TSPAN7: variants seen among roughly 807,000 people sequenced by gnomAD.
The protein encoded by TSPAN7 is tetraspanin 7.
Under a neutral mutation model 17.6 loss-of-function variants are expected in TSPAN7, and 1 was observed. The ratio of observed to expected loss-of-function variants is 0.06; its 90% CI spans 0.02 to 0.27. TSPAN7 has a LOEUF of 0.27. Among genes scored for constraint, TSPAN7 ranks in the 10% least tolerant of loss-of-function variants. TSPAN7 has a pLI of 1.00. For synonymous variants in TSPAN7, 78 were observed against 79.0 expected (o/e 0.99, Z 0.07); for missense variants, 112 against 201.7 (o/e 0.56, Z 2.69).
At chrX:38,601,479 T>C (rs757754227) in intron 1 of TSPAN7, among the ~76,000 whole-genome samples, 1 of 111,891 alleles carries the variant, frequency 8.9e-6, no homozygotes, top group South Asian at 3.7e-4. Context: ...GAAATAAATA[T>C]AAATGCAATC....
At chrX:38,657,812 A>G (rs1416935154) in intron 1 of TSPAN7, among the ~76,000 whole-genome samples, 1 of 112,529 alleles carries the variant, frequency 8.9e-6, no homozygotes, top group Admixed American at 9.4e-5. Context: ...TTCACTACAC[A>G]TATGAAGAGA....
chrX:38,687,115 G>A (rs1037525026), intron 6 of TSPAN7, among the ~76,000 whole-genome samples: 3 of 112,027 alleles, frequency 2.7e-5, no homozygotes, highest in African/African-American at 9.7e-5. Context: ...CTATTATTTT[G>A]TCAGCTGGGT....
intron 2 of TSPAN7, among the ~76,000 whole-genome samples, chrX:38,670,134 T>C (rs915141650): frequency 1.8e-5 from 2 of 112,090 alleles, no homozygotes; most frequent in African/African-American, 6.5e-5. Flanking sequence ...AAATTATGAC[T>C]CAGCATACAT....
At chrX:38,614,702 G>A (rs2069443399) in intron 1 of TSPAN7, among the ~76,000 whole-genome samples, 1 of 112,712 alleles carries the variant, frequency 8.9e-6, no homozygotes, top group African/African-American at 3.2e-5. Flanking sequence ...ATGTGTGGCT[G>A]AAGGTCATTC....
chrX:38,577,375 T>C (rs2069199915), intron 1 of TSPAN7, among the ~76,000 whole-genome samples: 1 of 111,046 alleles, frequency 9.0e-6, no homozygotes, highest in Non-Finnish European at 1.9e-5. Flanking sequence ...TCACAGTTGA[T>C]TGACCTGGAG....
chrX:38,617,065 G>A (rs999698533), intron 1 of TSPAN7, among the ~76,000 whole-genome samples: 2 of 111,691 alleles, frequency 1.8e-5, no homozygotes, highest in African/African-American at 6.5e-5. Flanking sequence ...ACTCCACTGC[G>A]GCTCAAAAGC....
At chrX:38,678,663 G>A (rs1437876230) in intron 5 of TSPAN7, among the ~76,000 whole-genome samples, 3 of 111,727 alleles carry the variant, frequency 2.7e-5, no homozygotes, top group African/African-American at 9.8e-5. Flanking sequence ...ATCCAGAGAT[G>A]GAAAACATTT....
intron 1 of TSPAN7, among the ~76,000 whole-genome samples, chrX:38,647,048 A>T (rs1021582875): frequency 8.9e-6 from 1 of 111,925 alleles, no homozygotes. Flanking sequence ...TAGGCATCAA[A>T]GTTTGGAGAG....
chrX:38,565,305 C>A (rs1315041430), intron 1 of TSPAN7, among the ~76,000 whole-genome samples: 1 of 112,214 alleles, frequency 8.9e-6, no homozygotes, highest in Non-Finnish European at 1.9e-5. Context: ...CCTCAGCTCA[C>A]TGCAACCTCC....
At chrX:38,682,057 A>G (rs1475460082) in intron 6 of TSPAN7, among the ~76,000 whole-genome samples, 1 of 112,771 alleles carries the variant, frequency 8.9e-6, no homozygotes, top group Non-Finnish European at 1.9e-5. Context: ...ATCAACATGT[A>G]TAGTTAACAA....
chrX:38,646,641 G>A (rs781429751), intron 1 of TSPAN7, among the ~76,000 whole-genome samples: 3 of 112,468 alleles, frequency 2.7e-5, no homozygotes, highest in Non-Finnish European at 5.6e-5. Context: ...CCTTGTTCAA[G>A]TGAATGATGA....
intron 1 of TSPAN7, among the ~76,000 whole-genome samples, chrX:38,590,874 G>A (rs1211393096): frequency 8.9e-6 from 1 of 111,788 alleles, no homozygotes; most frequent in African/African-American, 3.2e-5. Flanking sequence ...AAGCTGTAGT[G>A]TTGTTACCTT....
intron 1 of TSPAN7, among the ~76,000 whole-genome samples, chrX:38,585,458 T>A (rs1168681760): frequency 1.8e-5 from 2 of 111,934 alleles, no homozygotes; most frequent in Non-Finnish European, 3.8e-5. Flanking sequence ...TTCCCCTAAC[T>A]TCTATAAGTT....
intron 1 of TSPAN7, among the ~76,000 whole-genome samples, chrX:38,627,044 T>C (rs781741567): frequency 8.9e-6 from 1 of 112,209 alleles, no homozygotes; most frequent in South Asian, 3.7e-4. Flanking sequence ...ATTGCTTAAG[T>C]GCTCTTCAAG....
chrX:38,614,115 T>A (rs1184684193), intron 1 of TSPAN7, among the ~76,000 whole-genome samples: 1 of 111,054 alleles, frequency 9.0e-6, no homozygotes, highest in African/African-American at 3.3e-5. Flanking sequence ...TAAAAAACAA[T>A]TCCTTTACGT....
At chrX:38,635,691 A>T (rs764440874) in intron 1 of TSPAN7, among the ~76,000 whole-genome samples, 3 of 112,572 alleles carry the variant, frequency 2.7e-5, no homozygotes, top group Admixed American at 1.9e-4. Context: ...AACCTCATTC[A>T]GTCCTTAGTA....
At chrX:38,655,782 T>C (rs190187937) in intron 1 of TSPAN7, among the ~76,000 whole-genome samples, 1 of 111,960 alleles carries the variant, frequency 8.9e-6, no homozygotes, top group East Asian at 2.8e-4. Flanking sequence ...AGTTCTAGCT[T>C]CTTCCTGTGT....
At chrX:38,685,358 G>T (rs1309719611) in intron 6 of TSPAN7, among the ~76,000 whole-genome samples, 1 of 112,365 alleles carries the variant, frequency 8.9e-6, no homozygotes, top group Non-Finnish European at 1.9e-5. Context: ...AGTGGCTCAT[G>T]CCTGTAATCC....
rs755292168 is a variant in TSPAN7 at position 38,573,670 on chromosome X, C to T, written c.81+12043C>T. Among the ~76,000 whole-genome samples, 3 of 111,857 alleles carry T rather than the reference C, an allele frequency of 2.7e-5. No individual in the cohort carries two copies. In the East Asian group the frequency reaches 8.4e-4, roughly 31 times the overall value. ...TTCTATTACAGGCTACCCCATATTA[C>T]ATTTAGTAGTCATGTCTCCTTAGGC... On this transcript the variant is annotated intron_variant, in intron 1 of 7. Coordinates refer to ENST00000378482, the MANE Select transcript of TSPAN7 (RefSeq NM_004615.4).
Sources: gnomAD v4.1 joint callset for allele counts (sites outside exome capture counted in the v4.1 genomes callset) on GRCh38, gnomAD v4.1.1 for gene constraint, MANE v1.5 for transcripts, NCBI Gene and HGNC (gene_info 2026-07-23, HGNC 2026-07-21) for gene names.